Variants in PCDHGB2 observed in about 807,000 individuals in gnomAD.
PCDHGB2 encodes protocadherin gamma-B2.
A neutral mutation model predicts 59.3 loss-of-function variants in PCDHGB2; 55 were observed. The observed-to-expected ratio is 0.93, with a 90% confidence interval of 0.75 to 1.16. The LOEUF is 1.16. Ranked by LOEUF, PCDHGB2 falls within the 50% of genes most tolerant of loss-of-function variation. The pLI is 0.00. For synonymous variants in PCDHGB2, 516 were observed against 512.0 expected (o/e 1.01, Z -0.11); for missense variants, 1,228 against 1,198.5 (o/e 1.02, Z -0.36).
rs1486053605 is a variant in PCDHGB2 at position 141,360,990 on chromosome 5, C to T, written c.855C>T (p.Asp285=). ...AEITYSFHNV[D]EQVKHFFNLN... ...TCACCTACTCCTTTCATAATGTGGA[C>T]GAACAAGTGAAACACTTTTTCAACT... The change falls in exon 1 of 4, where the codon GAC becomes GAT. Residue 285 remains aspartate, a synonymous_variant. Transcript: ENST00000522605. The T allele has an allele frequency of 6.2e-7, 1 of 1,613,336 alleles. No individual in the cohort carries two copies. Among genetic ancestry groups the T allele is most frequent in the Non-Finnish European group, 8.5e-7 (1 of 1,179,638 alleles).
intron 1 of PCDHGB2, among the ~76,000 whole-genome samples, chr5:141,363,489 G>T (rs527713063): frequency 1.3e-5 from 2 of 152,304 alleles, no homozygotes; most frequent in Non-Finnish European, 1.5e-5. Flanking sequence ...CATGGATGAT[G>T]AAATAAAACC....
chr5:141,452,360 C>A (rs1045666881), intron 1 of PCDHGB2, among the ~76,000 whole-genome samples: 3 of 152,172 alleles, frequency 2.0e-5, no homozygotes, highest in Non-Finnish European at 4.4e-5. Flanking sequence ...AAAAGCCTTG[C>A]TTCATTTTAG....
chr5:141,374,039 G>A, intron 1 of PCDHGB2: 1 of 1,456,944 alleles, frequency 6.9e-7, no homozygotes, highest in Non-Finnish European at 9.1e-7. Flanking sequence ...ATGCAGATCT[G>A]TTCTTCCTCT....
Position 141,383,965 on chromosome 5 carries a change from A to G in PCDHGB2, c.2421+21409A>G, listed in dbSNP as rs1208203107. ...GACTATGACGTCTTTAAGTAGCTCA[A>G]TCCCTGAAGACACACCTCTTGGGAC... On this transcript the variant is annotated intron_variant, in intron 1 of 3. Coordinates refer to ENST00000522605, the MANE Select transcript of PCDHGB2 (RefSeq NM_018923.3). 1 of 1,613,598 alleles carries G rather than the reference A, an allele frequency of 6.2e-7. No individual in the cohort carries two copies. The highest frequency in any genetic ancestry group is 2.2e-5 in the East Asian group (1 of 44,892).
rs780007896 is a variant in PCDHGB2 at position 141,399,692 on chromosome 5, G to T, written c.2421+37136G>T. 1.2e-5 allele frequency: 19 copies of T among 1,613,318 alleles called. No individual in the cohort carries two copies. The South Asian group carries it at 2.1e-4, about 18-fold the overall frequency. ...CGCGCCTTTGACTACGAGCAGCTGC[G>T]CACCTTCGAACTCACACTACAGGCC... On this transcript the variant is annotated intron_variant, in intron 1 of 3. Coordinates refer to ENST00000522605, the MANE Select transcript of PCDHGB2 (RefSeq NM_018923.3).
At chr5:141,420,369 T>C in intron 1 of PCDHGB2, 2 of 1,349,364 alleles carry the variant, frequency 1.5e-6, no homozygotes, top group Non-Finnish European at 2.0e-6. Flanking sequence ...AGATAACTTC[T>C]TCATAGAGTT....
chr5:141,373,903 C>T (rs1769941634), intron 1 of PCDHGB2: 1 of 586,370 alleles, frequency 1.7e-6, no homozygotes. Flanking sequence ...GTTACATCCT[C>T]CAACAACAAA....
At chr5:141,381,038 T>G (rs1422573690) in intron 1 of PCDHGB2, among the ~76,000 whole-genome samples, 1 of 152,262 alleles carries the variant, frequency 6.6e-6, no homozygotes, top group Non-Finnish European at 1.5e-5. Context: ...TTAAACAAAA[T>G]TTATCTACTT....
intron 2 of PCDHGB2, among the ~76,000 whole-genome samples, chr5:141,496,189 G>A (rs1362938002): frequency 1.3e-5 from 2 of 152,004 alleles, no homozygotes; most frequent in Admixed American, 6.6e-5. Flanking sequence ...AGCCCCAGCT[G>A]CTCATTTCAA....
intron 1 of PCDHGB2, chr5:141,407,890 A>C (rs2094997846): frequency 2.5e-6 from 1 of 395,960 alleles, no homozygotes. Flanking sequence ...TCGGAGACCG[A>C]ATTCAAAATG....
chr5:141,414,647 T>C (rs1369045439), intron 1 of PCDHGB2: 3 of 1,613,926 alleles, frequency 1.9e-6, no homozygotes, highest in South Asian at 2.2e-5. Flanking sequence ...AATGCCCAGA[T>C]TATTTACTCC....
intron 1 of PCDHGB2, chr5:141,383,579 A>G (rs756026538): frequency 6.2e-7 from 1 of 1,613,596 alleles, no homozygotes. Context: ...AGCACCGCCC[A>G]CATCCAGGTG....
intron 1 of PCDHGB2, among the ~76,000 whole-genome samples, chr5:141,463,128 A>G (rs914895217): frequency 1.5e-4 from 23 of 152,190 alleles, no homozygotes; most frequent in Admixed American, 1.4e-3. Context: ...GCTCCCTGGC[A>G]GTTCTTCGCC....
At chr5:141,421,972 C>T (rs764728654) in intron 1 of PCDHGB2, 2 of 1,609,892 alleles carry the variant, frequency 1.2e-6, no homozygotes, top group African/African-American at 2.7e-5. Context: ...GTCCGTATAT[C>T]GCGTGAGTGT....
At position 141,502,665 on chromosome 5, in the gene PCDHGB2, A is replaced by G. The variant is rs192555506; in HGVS notation, c.2481-2728A>G. The stretch of plus-strand genomic sequence containing the variant: ...GAGATAGGCAGCAACCCTTCATGCA[A>G]TTTTAGTATTCCCTGATGATCCTTG... On this transcript the variant is annotated intron_variant, in intron 2 of 3. Transcript: ENST00000522605. 3.7e-3 allele frequency among the ~76,000 whole-genome samples: 568 copies of G among 152,330 alleles called. 1 individual carries two copies. Among genetic ancestry groups the G allele is most frequent in the African/African-American group, 0.013 (544 of 41,584 alleles).
In PCDHGB2 at chr5:141,376,683, T is replaced by TTTTTTTTTG. The variant is rs1773156952; in HGVS notation, c.2421+14135_2421+14136insGTTTTTTTT. 4 of 803,912 alleles carry TTTTTTTTTG rather than the reference T, an allele frequency of 5.0e-6. 1 individual carries two copies. The highest frequency in any genetic ancestry group is 3.9e-5 in the African/African-American group (2 of 51,902). 49.8% of individuals were successfully genotyped at this position (803,912 alleles called of 1,614,324 possible). A position where few individuals can be genotyped will look rare whatever the true frequency, so the allele number is the denominator to read the frequency against. On this transcript the variant is annotated intron_variant, in intron 1 of 3. Coordinates refer to ENST00000522605, the MANE Select transcript of PCDHGB2 (RefSeq NM_018923.3). ...TGTTCAGGTGAGGGTATCGTTTTTT[T>TTTTTTTTTG]TTTTTTTTTTTTTTGAGACGGAGTC...
intron 1 of PCDHGB2, among the ~76,000 whole-genome samples, chr5:141,473,916 A>T (rs1014065718): frequency 2.6e-5 from 4 of 152,162 alleles, no homozygotes; most frequent in Non-Finnish European, 4.4e-5. Flanking sequence ...TCTTAAGAAA[A>T]CTATGAGCTG....
At chr5:141,402,930 G>A (rs1260331134) in intron 1 of PCDHGB2, 1 of 1,584,094 alleles carries the variant, frequency 6.3e-7, no homozygotes, top group Non-Finnish European at 8.6e-7. Flanking sequence ...ATCCTTTTGA[G>A]AAAATTCCAA....
chr5:141,426,589 T>G (rs2096945227), intron 1 of PCDHGB2: 1 of 369,180 alleles, frequency 2.7e-6, no homozygotes, highest in South Asian at 2.0e-5. Context: ...ATCCTCTGTG[T>G]CATACCCTTA....
Sources: gnomAD v4.1 joint callset for allele counts (sites outside exome capture counted in the v4.1 genomes callset) on GRCh38, gnomAD v4.1.1 for gene constraint, MANE v1.5 for transcripts, NCBI Gene and HGNC (gene_info 2026-07-23, HGNC 2026-07-21) for gene names.